Variants in ANKFN1 observed in about 807,000 individuals in gnomAD.
ANKFN1 encodes the protein ankyrin repeat and fibronectin type III domain containing 1.
Under a neutral mutation model 108.7 loss-of-function variants are expected in ANKFN1, and 74 were observed. The ratio of observed to expected loss-of-function variants is 0.68; its 90% CI spans 0.56 to 0.83. The LOEUF is 0.83. Among genes scored for constraint, ANKFN1 ranks in the 40% least tolerant of loss-of-function variants. The probability of loss-of-function intolerance (pLI) is 0.00; values close to 1 mark genes in which losing one functional copy is unlikely to be tolerated. For missense variants in ANKFN1, 1,505 were observed against 1,382.3 expected, an observed-to-expected ratio of 1.09 and a Z score of -1.41; for synonymous variants, 547 against 516.2, an observed-to-expected ratio of 1.06 and a Z score of -0.81.
At chr17:56,181,895 C>G (rs1390587395) in intron 1 of ANKFN1, among the ~76,000 whole-genome samples, 1 of 152,156 alleles carries the variant, frequency 6.6e-6, no homozygotes, top group African/African-American at 2.4e-5. Flanking sequence ...CTTCGTATCT[C>G]TGTGTCACAT....
chr17:56,306,744 A>G (rs571496785), intron 3 of ANKFN1, among the ~76,000 whole-genome samples: 45 of 152,312 alleles, frequency 3.0e-4, no homozygotes, highest in African/African-American at 8.2e-4. Context: ...GTTCATATGG[A>G]ACCAAAAAAG....
intron 8 of ANKFN1, among the ~76,000 whole-genome samples, chr17:56,415,158 G>T (rs1247046257): frequency 6.6e-6 from 1 of 152,190 alleles, no homozygotes; most frequent in African/African-American, 2.4e-5. Flanking sequence ...TCTGGAACAT[G>T]ACAAGGATGC....
intron 1 of ANKFN1, among the ~76,000 whole-genome samples, chr17:56,188,581 G>GTGTGTGTGTATA (rs1212242378): frequency 6.8e-4 from 34 of 49,646 alleles, no homozygotes; most frequent in South Asian, 1.5e-3. Flanking sequence ...GTGTGTGTGT[G>GTGTGTGTGTATA]TATATATATA....
intron 1 of ANKFN1, among the ~76,000 whole-genome samples, chr17:56,166,067 A>T (rs1190372165): frequency 6.6e-6 from 1 of 152,146 alleles, no homozygotes; most frequent in East Asian, 1.9e-4. Context: ...ACCTACCAAT[A>T]GTTCAAATGC....
chr17:56,073,142 G>A (rs1164436161), intron 4 of ANKFN1, among the ~76,000 whole-genome samples: 1 of 151,732 alleles, frequency 6.6e-6, no homozygotes, highest in East Asian at 1.9e-4. Context: ...ACAGGCGCCC[G>A]CCACTACGTC....
Position 56,456,895 on chromosome 17 carries a change from G to A in ANKFN1, c.1242G>A (p.Gln414=). 1 of 1,614,124 alleles carries A rather than the reference G, an allele frequency of 6.2e-7. No homozygotes were observed. Among genetic ancestry groups the A allele is most frequent in the Non-Finnish European group, 8.5e-7 (1 of 1,180,016 alleles). The stretch of plus-strand genomic sequence containing the variant: ...AATTACAAACCACAGGCCGCAAGCA[G>A]TCAGTCTCAAGAAGCCTGAAACACC... ...STKLQTTGRK[Q]SVSRSLKHLF... Residue 414 remains glutamine (Q), a synonymous_variant, in exon 12 of 21, where the codon CAG becomes CAA. Coordinates refer to ENST00000682825, the MANE Select transcript of ANKFN1 (RefSeq NM_001370326.1).
At chr17:56,170,274 G>T (rs1236526279) in intron 1 of ANKFN1, among the ~76,000 whole-genome samples, 1 of 152,030 alleles carries the variant, frequency 6.6e-6, no homozygotes, top group Non-Finnish European at 1.5e-5. Context: ...GCCCCTTCAG[G>T]GATACCTGCC....
At chr17:56,410,804 A>T (rs1052508874) in intron 8 of ANKFN1, among the ~76,000 whole-genome samples, 2 of 152,162 alleles carry the variant, frequency 1.3e-5, no homozygotes, top group Non-Finnish European at 2.9e-5. Context: ...TATTATTCCT[A>T]GCATCTTTGT....
chr17:56,218,279 G>A (rs1915582705), intron 2 of ANKFN1, among the ~76,000 whole-genome samples: 1 of 135,378 alleles, frequency 7.4e-6, no homozygotes, highest in Non-Finnish European at 1.5e-5. Flanking sequence ...ACAAATATCT[G>A]GGTTAATTAA....
chr17:56,350,682 G>C, intron 4 of ANKFN1, 84 bp from the exon 5 acceptor site: 1 of 1,280,644 alleles, frequency 7.8e-7, no homozygotes, highest in Non-Finnish European at 1.1e-6. Flanking sequence ...TTGGATTCCA[G>C]ATACTGACTG....
At chr17:56,153,464 C>T (rs774988202), upstream of ANKFN1, 2 of 1,610,984 alleles carry the variant, frequency 1.2e-6, no homozygotes, top group Admixed American at 1.7e-5. Context: ...TTTCCCTCCA[C>T]CCCCCAGGTC....
intron 4 of ANKFN1, among the ~76,000 whole-genome samples, chr17:56,141,824 A>G (rs1029443088): frequency 1.3e-5 from 2 of 152,062 alleles, no homozygotes; most frequent in African/African-American, 2.4e-5. Flanking sequence ...GAACTGTTTT[A>G]CACTAAAGCA....
At chr17:56,303,832 A>C (rs944014413) in intron 3 of ANKFN1, among the ~76,000 whole-genome samples, 4 of 147,882 alleles carry the variant, frequency 2.7e-5, no homozygotes, top group Non-Finnish European at 5.9e-5. Context: ...TTACAGGTGC[A>C]CACCACCACG....
chr17:56,457,766 AG>A, intron 13 of ANKFN1, 96 bp from the exon 14 acceptor site: 1 of 863,534 alleles, frequency 1.2e-6, no homozygotes, highest in Non-Finnish European at 1.9e-6. Flanking sequence ...AATAAACATC[AG>A]GGGTCAGATT....
intron 15 of ANKFN1, chr17:56,472,400 G>A (rs558498152): frequency 3.2e-4 from 48 of 152,214 alleles, no homozygotes; most frequent in African/African-American, 1.1e-3. Context: ...TATTGAAAAA[G>A]CAACTACCTA....
At chr17:56,094,305 T>C (rs935342441) in intron 4 of ANKFN1, among the ~76,000 whole-genome samples, 1 of 150,962 alleles carries the variant, frequency 6.6e-6, no homozygotes, top group African/African-American at 2.4e-5. Flanking sequence ...AATTTTCTCA[T>C]AAGCCCTATG....
At chr17:56,170,704 A>G (rs1045065059) in intron 1 of ANKFN1, among the ~76,000 whole-genome samples, 2 of 148,780 alleles carry the variant, frequency 1.3e-5, no homozygotes, top group African/African-American at 5.0e-5. Context: ...CCGAGGTTGC[A>G]GTGAGCCAAA....
chr17:56,087,500 G>A (rs528629436), intron 4 of ANKFN1, among the ~76,000 whole-genome samples: 1 of 151,166 alleles, frequency 6.6e-6, no homozygotes, highest in South Asian at 2.1e-4. Context: ...TGCTTCTTTT[G>A]CCCTTCAATT....
intron 3 of ANKFN1, chr17:56,258,074 A>G (rs2043404175): frequency 6.6e-6 from 1 of 152,252 alleles, no homozygotes; most frequent in South Asian, 2.1e-4. Flanking sequence ...TTTCAGCCAG[A>G]GTAAGAAGAG....
Sources: allele counts gnomAD v4.1 joint callset (sites outside exome capture counted in the v4.1 genomes callset), GRCh38; gene constraint gnomAD v4.1.1; transcripts MANE v1.5; gene names NCBI Gene and HGNC (gene_info 2026-07-23, HGNC 2026-07-21).